JAK2: variants seen among roughly 807,000 people sequenced by gnomAD.
JAK2 encodes tyrosine-protein kinase JAK2.
A neutral mutation model predicts 139.3 loss-of-function variants in JAK2; 86 were observed. The observed-to-expected ratio is 0.62, with a 90% CI of 0.52 to 0.74. The LOEUF (loss-of-function observed/expected upper bound fraction) is 0.74. Among genes scored for constraint, JAK2 ranks in the 30% least tolerant of loss-of-function variants. JAK2 has a pLI of 0.00. For missense variants in JAK2, 1,421 were observed against 1,360.3 expected, an observed-to-expected ratio of 1.04 and a Z score of -0.70; for synonymous variants, 490 against 437.7, an observed-to-expected ratio of 1.12 and a Z score of -1.49.
At chr9:5,104,083 G>GAGAT (rs1449351931) in intron 22 of JAK2, among the ~76,000 whole-genome samples, 2 of 152,158 alleles carry the variant, frequency 1.3e-5, no homozygotes, top group African/African-American at 4.8e-5. Flanking sequence ...AGAACTGAAG[G>GAGAT]AGATAGAGAC....
At chr9:4,996,745 A>C (rs1350256969) in intron 2 of JAK2, among the ~76,000 whole-genome samples, 1 of 152,118 alleles carries the variant, frequency 6.6e-6, no homozygotes, top group South Asian at 2.1e-4. Context: ...GTATTCTGCG[A>C]TAATTGGATT....
Position 5,125,379 on chromosome 9 carries a change from T to C in JAK2, c.3178-954T>C, listed in dbSNP as rs539155540. Among the ~76,000 whole-genome samples, 194 of 151,568 alleles carry C rather than the reference T, an allele frequency of 1.3e-3. 2 individuals are homozygous for C. Among genetic ancestry groups the C allele is most frequent in the African/African-American group, 4.6e-3 (190 of 41,502 alleles). ...AAAAATGTACTGCAAATATGTTTTCTAATTGCTGAGTAGCATTCCATCATA... is the reference window on the plus strand; with the variant it reads ...AAAAATGTACTGCAAATATGTTTTCCAATTGCTGAGTAGCATTCCATCATA... On this transcript the variant is annotated intron_variant, in intron 23 of 24. Coordinates refer to ENST00000381652, the MANE Select transcript of JAK2 (RefSeq NM_004972.4).
At chr9:5,060,948 C>T (rs1261956348) in intron 8 of JAK2, among the ~76,000 whole-genome samples, 1 of 152,214 alleles carries the variant, frequency 6.6e-6, no homozygotes, top group Non-Finnish European at 1.5e-5. Flanking sequence ...GTCACCAGGT[C>T]TGAAAATAAC....
intron 22 of JAK2, 61 bp from the exon 23 acceptor site, chr9:5,122,943 G>A: frequency 1.0e-6 from 1 of 997,050 alleles, no homozygotes; most frequent in Non-Finnish European, 1.5e-6. Context: ...TGATTTGCAG[G>A]TAAAATCAAG....
chr9:4,985,215 C>G (rs975366580), upstream of JAK2: 2 of 152,702 alleles, frequency 1.3e-5, no homozygotes, highest in Admixed American at 6.5e-5. Context: ...GACGGGCTTC[C>G]CGGCTGCCCG....
At position 5,078,324 on chromosome 9, in the gene JAK2, C is replaced by T. The variant is rs587778409; in HGVS notation, c.2011C>T (p.His671Tyr). ...MHFLEENTLI[H>Y]GNVCAKNILL... Reference sequence around the variant, plus strand: ...CTAATAGGAAGAAAACACCCTTATTCATGGGAATGTATGTGCCAAAAATAT... The same window carrying T: ...CTAATAGGAAGAAAACACCCTTATTTATGGGAATGTATGTGCCAAAAATAT... The change falls in exon 16 of 25, where the codon CAT becomes TAT. Residue 671 changes from histidine (H) to tyrosine (Y), a missense_variant. Physicochemically the swap from His to Tyr is moderately conservative, Grantham distance 83. Transcript: ENST00000381652. 7 of 1,611,864 alleles carry T rather than the reference C, an allele frequency of 4.3e-6. No homozygotes were observed. Among genetic ancestry groups the T allele is most frequent in the Non-Finnish European group, 5.1e-6 (6 of 1,178,576 alleles).
At chr9:5,077,676 T>G in intron 15 of JAK2, 96 bp downstream of exon 15, 1 of 719,300 alleles carries the variant, frequency 1.4e-6, no homozygotes, top group Non-Finnish European at 2.1e-6. Context: ...AAATCTGTAA[T>G]TGGATGCCAA....
chr9:5,010,763 T>G (rs1009184265), intron 2 of JAK2, among the ~76,000 whole-genome samples: 1 of 152,246 alleles, frequency 6.6e-6, no homozygotes, highest in Non-Finnish European at 1.5e-5. Flanking sequence ...TGATTTTCTT[T>G]ATCAGTTCTT....
Position 5,090,792 on chromosome 9 carries a change from A to G in JAK2, c.2940A>G (p.Arg980=). ...KRYIHRDLAT[R]NILVENENRV... The stretch of plus-strand genomic sequence containing the variant: ...ATATCCACAGGGATCTGGCAACGAG[A>G]AATATATTGGTGGAGAACGAGAACA... The change falls in exon 22 of 25, where the codon AGA becomes AGG. Residue 980 remains arginine (R), a synonymous_variant. Coordinates refer to ENST00000381652, the MANE Select transcript of JAK2 (RefSeq NM_004972.4). 1 of 1,613,386 alleles carries G rather than the reference A, an allele frequency of 6.2e-7. No individual in the cohort carries two copies. Among genetic ancestry groups the G allele is most frequent in the Non-Finnish European group, 8.5e-7 (1 of 1,179,694 alleles).
At chr9:5,005,502 T>A (rs1367411323) in intron 2 of JAK2, among the ~76,000 whole-genome samples, 1 of 152,190 alleles carries the variant, frequency 6.6e-6, no homozygotes, top group Non-Finnish European at 1.5e-5. Context: ...TTTGCACTCC[T>A]GGGGGTAAAT....
chr9:5,099,514 A>C (rs925558937), intron 22 of JAK2: 4 of 152,162 alleles, frequency 2.6e-5, no homozygotes, highest in Non-Finnish European at 4.4e-5. Flanking sequence ...TTATCCCTAC[A>C]CCAAAAATAA....
chr9:4,998,218 T>C (rs1191639607), intron 2 of JAK2, among the ~76,000 whole-genome samples: 2 of 152,134 alleles, frequency 1.3e-5, no homozygotes, highest in East Asian at 1.9e-4. Context: ...TATGATGGTA[T>C]TGAAATGAGA....
At chr9:5,083,474 A>T (rs1341501373) in intron 19 of JAK2, among the ~76,000 whole-genome samples, 1 of 152,142 alleles carries the variant, frequency 6.6e-6, no homozygotes, top group East Asian at 1.9e-4. Context: ...ATATCTCCAG[A>T]TGTCATTGAT....
chr9:4,996,581 G>T (rs116031092), intron 2 of JAK2, among the ~76,000 whole-genome samples: 1,971 of 151,528 alleles, frequency 0.013, 50 homozygotes, highest in African/African-American at 0.046. Flanking sequence ...TTTTTGAGGA[G>T]GGGCGGGGGT....
chr9:5,115,249 A>G (rs953294283), intron 22 of JAK2, among the ~76,000 whole-genome samples: 1 of 152,232 alleles, frequency 6.6e-6, no homozygotes, highest in Admixed American at 6.5e-5. Flanking sequence ...AAGTGGGTAA[A>G]GGATATGAAC....
At chr9:4,992,171 G>A (rs936661272) in intron 2 of JAK2, among the ~76,000 whole-genome samples, 1 of 152,188 alleles carries the variant, frequency 6.6e-6, no homozygotes, top group Non-Finnish European at 1.5e-5. Context: ...CACATGATGG[G>A]TAGTTGATGC....
Position 5,126,725 on chromosome 9 carries a change from T to C in JAK2, c.3333T>C (p.Asn1111=). 1 of 1,611,156 alleles carries C rather than the reference T, an allele frequency of 6.2e-7. No individual in the cohort carries two copies. The highest frequency in any genetic ancestry group is 8.5e-7 in the Non-Finnish European group (1 of 1,177,840). The change falls in exon 25 of 25, where the codon AAT becomes AAC. Residue 1111 remains asparagine (N), a synonymous_variant. Coordinates refer to ENST00000381652, the MANE Select transcript of JAK2 (RefSeq NM_004972.4). ...CAGAATGCTGGAACAATAATGTAAATCAACGCCCCTCCTTTAGGGATCTAG... is the reference window on the plus strand; with the variant it reads ...CAGAATGCTGGAACAATAATGTAAACCAACGCCCCTCCTTTAGGGATCTAG... ...IMTECWNNNV[N]QRPSFRDLAL...
rs1472795956 is a variant in JAK2, at chr9:5,127,574, T to G, written c.*783T>G. The G allele has an allele frequency of 8.6e-6, 2 of 231,566 alleles. No individual in the cohort carries two copies. The highest frequency in any genetic ancestry group is 1.7e-5 in the Non-Finnish European group (2 of 116,626). 14.3% of individuals were successfully genotyped at this position (231,566 alleles called of 1,614,324 possible). On this transcript the variant is annotated 3_prime_UTR_variant, in exon 25 of 25. Transcript: ENST00000381652. ...GGTGAATGTGTTTTTTAAATGGAAC[T>G]ATCTCCAAATTTTTCTAAGACTACT...
chr9:5,104,677 C>G (rs928158544), intron 22 of JAK2, among the ~76,000 whole-genome samples: 3 of 152,166 alleles, frequency 2.0e-5, no homozygotes, highest in Admixed American at 6.5e-5. Flanking sequence ...CTGGCAAACC[C>G]AATCCAGCAG....
Sources: allele counts gnomAD v4.1 joint callset (sites outside exome capture counted in the v4.1 genomes callset), GRCh38; gene constraint gnomAD v4.1.1; transcripts MANE v1.5; gene names NCBI Gene and HGNC (gene_info 2026-07-23, HGNC 2026-07-21).